Variants in HS3ST4 observed in about 807,000 individuals in gnomAD.
HS3ST4 encodes heparan sulfate glucosamine 3-O-sulfotransferase 4.
HS3ST4 carries 17 observed loss-of-function variants against 29.2 expected under a neutral mutation model. The ratio of observed to expected loss-of-function variants is 0.58; its 90% CI spans 0.40 to 0.87. HS3ST4 has a LOEUF of 0.87. Among genes scored for constraint, HS3ST4 ranks in the 40% least tolerant of loss-of-function variants. The pLI is 0.00. For missense variants in HS3ST4, 627 were observed against 634.5 expected (o/e 0.99, Z 0.13); for synonymous variants, 314 against 285.7 (o/e 1.10, Z -1.00).
chr16:26,070,088 G>A (rs1163247346), intron 1 of HS3ST4, among the ~76,000 whole-genome samples: 1 of 152,044 alleles, frequency 6.6e-6, no homozygotes, highest in Admixed American at 6.5e-5. Flanking sequence ...GGGATGGCTG[G>A]GTCAAATGGT....
At chr16:26,012,990 C>G (rs1349835735) in intron 1 of HS3ST4, among the ~76,000 whole-genome samples, 4 of 151,974 alleles carry the variant, frequency 2.6e-5, no homozygotes, top group African/African-American at 9.7e-5. Context: ...TGGTGAAACC[C>G]CATCTCTACT....
At chr16:25,780,939 C>G (rs1188565725) in intron 1 of HS3ST4, among the ~76,000 whole-genome samples, 2 of 152,142 alleles carry the variant, frequency 1.3e-5, no homozygotes, top group African/African-American at 4.8e-5. Context: ...CACTGACTTA[C>G]CGGTACCTAT....
chr16:26,117,867 G>A (rs192107860), intron 1 of HS3ST4, among the ~76,000 whole-genome samples: 1 of 152,328 alleles, frequency 6.6e-6, no homozygotes, highest in Admixed American at 6.5e-5. Context: ...ATACAGCAGT[G>A]AACAAGGCAA....
chr16:25,729,645 CTTG>C (rs1203675923), intron 1 of HS3ST4, among the ~76,000 whole-genome samples: 2 of 152,182 alleles, frequency 1.3e-5, no homozygotes, highest in Non-Finnish European at 2.9e-5. Flanking sequence ...CCTTTCCCTT[CTTG>C]TTGTCATGGG....
chr16:25,943,900 A>G (rs1968599101), intron 1 of HS3ST4, among the ~76,000 whole-genome samples: 4 of 152,132 alleles, frequency 2.6e-5, no homozygotes, highest in Admixed American at 2.6e-4. Flanking sequence ...TTCCTACACC[A>G]GAGCTTAAAA....
At chr16:25,784,185 C>T (rs929684163) in intron 1 of HS3ST4, among the ~76,000 whole-genome samples, 1 of 152,204 alleles carries the variant, frequency 6.6e-6, no homozygotes, top group Non-Finnish European at 1.5e-5. Context: ...CCTGACTGCT[C>T]TGCCGACTGG....
intron 1 of HS3ST4, among the ~76,000 whole-genome samples, chr16:25,970,871 G>C (rs1968890671): frequency 6.6e-6 from 1 of 151,524 alleles, no homozygotes; most frequent in Non-Finnish European, 1.5e-5. Context: ...CTTTTTTTGA[G>C]ATGGAGTCTC....
intron 1 of HS3ST4, among the ~76,000 whole-genome samples, chr16:25,807,313 C>T (rs1412506633): frequency 3.9e-5 from 6 of 152,196 alleles, no homozygotes; most frequent in Non-Finnish European, 8.8e-5. Flanking sequence ...TCTTCCCCAA[C>T]ACTCTCCACC....
intron 1 of HS3ST4, among the ~76,000 whole-genome samples, chr16:25,777,314 T>G (rs1040525812): frequency 1.3e-5 from 2 of 152,246 alleles, no homozygotes; most frequent in African/African-American, 4.8e-5. Context: ...TTTGTTAGGA[T>G]TTAGTAATCA....
rs758505655 is a variant in HS3ST4 at position 26,019,617 on chromosome 16, C to T, written c.735-115995C>T. Reference sequence around the variant, plus strand: ...ATGGATTGGAAACACACAGGGAGGGCGGCGGGTCCGTCTGGCTCCTGGGAT... The same window carrying T: ...ATGGATTGGAAACACACAGGGAGGGTGGCGGGTCCGTCTGGCTCCTGGGAT... On this transcript the variant is annotated intron_variant, in intron 1 of 1. Coordinates refer to ENST00000331351, the MANE Select transcript of HS3ST4 (RefSeq NM_006040.3). 2.0e-4 allele frequency among the ~76,000 whole-genome samples: 30 copies of T among 152,200 alleles called. 1 individual carries two copies. The highest frequency in any genetic ancestry group is 2.1e-4 in the South Asian group (1 of 4,810).
intron 1 of HS3ST4, among the ~76,000 whole-genome samples, chr16:25,705,554 A>C (rs1276567923): frequency 6.6e-6 from 1 of 152,088 alleles, no homozygotes; most frequent in Non-Finnish European, 1.5e-5. Flanking sequence ...AGTCCCAGCT[A>C]CTCAGGAGGT....
intron 1 of HS3ST4, among the ~76,000 whole-genome samples, chr16:25,817,586 G>C (rs8058648): frequency 0.37 from 56,275 of 152,050 alleles, 10,589 homozygotes; most frequent in East Asian, 0.44. Flanking sequence ...AAGATGGATG[G>C]TACCCAGAAG....
At chr16:26,067,077 A>AT (rs1441170313) in intron 1 of HS3ST4, among the ~76,000 whole-genome samples, 2 of 152,142 alleles carry the variant, frequency 1.3e-5, no homozygotes, top group South Asian at 2.1e-4. Flanking sequence ...ATTAAGCACC[A>AT]TTTTTTAGGC....
intron 1 of HS3ST4, among the ~76,000 whole-genome samples, chr16:25,968,405 G>A (rs56309205): frequency 0.081 from 12,333 of 152,146 alleles, 712 homozygotes; most frequent in African/African-American, 0.14. Flanking sequence ...GCACCATGAG[G>A]GTTGAGCCGT....
intron 1 of HS3ST4, among the ~76,000 whole-genome samples, chr16:25,792,385 T>C (rs1966871190): frequency 6.6e-6 from 1 of 152,030 alleles, no homozygotes; most frequent in South Asian, 2.1e-4. Context: ...TTAAATAATA[T>C]AATTTAAATA....
At chr16:26,109,186 C>T (rs1899095019) in intron 1 of HS3ST4, among the ~76,000 whole-genome samples, 1 of 152,180 alleles carries the variant, frequency 6.6e-6, no homozygotes, top group African/African-American at 2.4e-5. Flanking sequence ...AAAATATTTA[C>T]AGCTAATTCC....
chr16:25,870,585 G>A (rs962340725), intron 1 of HS3ST4, among the ~76,000 whole-genome samples: 1 of 152,094 alleles, frequency 6.6e-6, no homozygotes, highest in Non-Finnish European at 1.5e-5. Flanking sequence ...TGAGCAAGTG[G>A]CAGGGTGTCA....
At chr16:25,914,433 G>A (rs1307479038) in intron 1 of HS3ST4, among the ~76,000 whole-genome samples, 2 of 151,700 alleles carry the variant, frequency 1.3e-5, no homozygotes, top group Non-Finnish European at 2.9e-5. Context: ...TTATGTGTAG[G>A]GTGTGTACAT....
At position 25,794,818 on chromosome 16, in the gene HS3ST4, C is replaced by T. The variant is rs145532006; in HGVS notation, c.734+101667C>T. Among the ~76,000 whole-genome samples the T allele has an allele frequency of 3.8e-4, 57 of 149,690 alleles. No individual in the cohort carries two copies. The East Asian group carries it at 5.5e-3, about 14-fold the overall frequency. On this transcript the variant is annotated intron_variant, in intron 1 of 1. Coordinates refer to ENST00000331351, the MANE Select transcript of HS3ST4 (RefSeq NM_006040.3). Reference sequence around the variant, plus strand: ...GAAAATTCTGAGTTATTATCTATTCCGATATTGACCTGGTCCCATTCTCTT... The same window carrying T: ...GAAAATTCTGAGTTATTATCTATTCTGATATTGACCTGGTCCCATTCTCTT...
Sources: gnomAD v4.1 joint callset for allele counts (sites outside exome capture counted in the v4.1 genomes callset) on GRCh38, gnomAD v4.1.1 for gene constraint, MANE v1.5 for transcripts, NCBI Gene and HGNC (gene_info 2026-07-23, HGNC 2026-07-21) for gene names.